DPYS: variants seen among roughly 807,000 people sequenced by gnomAD.
The protein encoded by DPYS is dihydropyrimidine amidohydrolase.
A neutral mutation model predicts 50.3 loss-of-function variants in DPYS; 39 were observed. That is an observed-to-expected ratio of 0.78 (90% CI 0.60 to 1.01). The LOEUF (loss-of-function observed/expected upper bound fraction) is 1.01, where lower values mean the gene tolerates loss of function less well. DPYS is among the 50% of genes least tolerant of loss of function. The pLI is 0.00. For synonymous variants in DPYS, 245 were observed against 250.7 expected (o/e 0.98, Z 0.22); for missense variants, 659 against 680.9 (o/e 0.97, Z 0.36).
intron 7 of DPYS, among the ~76,000 whole-genome samples, chr8:104,422,315 G>A (rs2140613410): frequency 6.6e-6 from 1 of 152,194 alleles, no homozygotes; most frequent in East Asian, 1.9e-4. Flanking sequence ...TTAGTTATTG[G>A]CCCACCTGAT....
chr8:104,432,503 A>C (rs1030020567), intron 4 of DPYS, among the ~76,000 whole-genome samples: 3 of 152,232 alleles, frequency 2.0e-5, no homozygotes, highest in Admixed American at 2.0e-4. Flanking sequence ...CTGGCCACTA[A>C]ATAGGAGGCC....
At chr8:104,424,102 T>C (rs1270467949) in intron 7 of DPYS, 145 bp downstream of exon 7, 1 of 1,545,214 alleles carries the variant, frequency 6.5e-7, no homozygotes. Context: ...AAAACCTTTA[T>C]CTTGTGTACA....
chr8:104,466,972 GTT>G lies in DPYS; in HGVS notation c.-54_-53del. ...GGCCCGGGCTGCGCGCAGGGGCTGG[GTT>G]GGGCGGGCCGGGCGGGCTTGGGGTG... On this transcript the variant is annotated 5_prime_UTR_variant, in exon 1 of 10. Coordinates refer to ENST00000351513, the MANE Select transcript of DPYS (RefSeq NM_001385.3). 2.6e-6 allele frequency: 3 copies of G among 1,136,450 alleles called. No homozygotes were observed. Among genetic ancestry groups the G allele is most frequent in the African/African-American group, 1.7e-5 (1 of 60,524 alleles). The allele number at this position is 1,136,450 out of a possible 1,614,324, so 70.4% of individuals were successfully genotyped here. A position where few individuals can be genotyped will look rare whatever the true frequency, so the allele number is the denominator to read the frequency against.
At chr8:104,451,847 G>A (rs929567997) in intron 1 of DPYS, among the ~76,000 whole-genome samples, 2 of 152,080 alleles carry the variant, frequency 1.3e-5, no homozygotes, top group Non-Finnish European at 2.9e-5. Flanking sequence ...ACATGGTTCC[G>A]GTCTTGCCTC....
chr8:104,444,327 G>A lies in DPYS; in HGVS notation c.714C>T (p.Ser238=), dbSNP rs901982202. The change falls in exon 4 of 10, where the codon AGC becomes AGT. Residue 238 remains serine (S), a synonymous_variant. Transcript: ENST00000351513. ...EATLRAITIA[S]AVNCPLYIVH... ...CAATGTAGAGAGGACAGTTCACAGC[G>A]CTGGCTATGGTGATGGCTCTCAGCG... 3.1e-6 allele frequency: 5 copies of A among 1,614,084 alleles called. No individual in the cohort carries two copies. Among genetic ancestry groups the A allele is most frequent in the African/African-American group, 1.3e-5 (1 of 74,934 alleles).
chr8:104,399,302 A>AC (rs1457118997), intron 7 of DPYS, among the ~76,000 whole-genome samples: 765 of 39,900 alleles, frequency 0.019, 24 homozygotes, highest in African/African-American at 0.042. Flanking sequence ...AAAAAAAAAA[A>AC]AAAAAAAACA....
intron 4 of DPYS, among the ~76,000 whole-genome samples, chr8:104,438,250 ATC>A (rs1373392678): frequency 6.6e-6 from 1 of 152,192 alleles, no homozygotes; most frequent in Non-Finnish European, 1.5e-5. Context: ...CCCACAAAGA[ATC>A]TCTGCAAGTA....
At chr8:104,381,513 A>G (rs1022790957) in intron 8 of DPYS, 199 bp from the exon 9 acceptor site, 1 of 556,056 alleles carries the variant, frequency 1.8e-6, no homozygotes, top group African/African-American at 1.9e-5. Flanking sequence ...GTGGGTATTA[A>G]TCTGCCTCAG....
At chr8:104,426,494 A>G (rs1812725929) in intron 6 of DPYS, among the ~76,000 whole-genome samples, 1 of 152,246 alleles carries the variant, frequency 6.6e-6, no homozygotes, top group African/African-American at 2.4e-5. Context: ...GGTAGCAACG[A>G]AGAAAGAAAT....
chr8:104,450,877 A>C (rs564866702), intron 2 of DPYS, among the ~76,000 whole-genome samples: 15 of 152,290 alleles, frequency 9.8e-5, no homozygotes, highest in Admixed American at 9.8e-4. Context: ...TGAAGTTCTA[A>C]CCTGTGGGAA....
intron 5 of DPYS, among the ~76,000 whole-genome samples, chr8:104,428,799 G>A (rs946527291): frequency 2.0e-5 from 3 of 151,694 alleles, no homozygotes; most frequent in East Asian, 3.9e-4. Context: ...GGGGAGTGTC[G>A]GGATGTCCAT....
intron 4 of DPYS, among the ~76,000 whole-genome samples, chr8:104,441,461 C>T (rs1245381436): frequency 6.6e-6 from 1 of 152,094 alleles, no homozygotes; most frequent in African/African-American, 2.4e-5. Context: ...AATTAAGGCC[C>T]TTGAAATGGG....
At chr8:104,466,540 C>T (rs1046755422) in intron 1 of DPYS, 117 bp downstream of exon 1, 3 of 1,218,214 alleles carry the variant, frequency 2.5e-6, no homozygotes, top group South Asian at 1.8e-5. Flanking sequence ...TTCCCGCCCA[C>T]CCAGCTCCTC....
chr8:104,448,156 C>CT (rs35179334), intron 2 of DPYS, among the ~76,000 whole-genome samples: 27,350 of 137,954 alleles, frequency 0.2, 2,964 homozygotes, highest in South Asian at 0.3. Context: ...AACAATTGCT[C>CT]TTTTTTTTTT....
At chr8:104,465,265 GA>G (rs1814321303) in intron 1 of DPYS, among the ~76,000 whole-genome samples, 1 of 151,010 alleles carries the variant, frequency 6.6e-6, no homozygotes, top group South Asian at 2.1e-4. Context: ...TAGAAAGAAA[GA>G]GAGGGGTGGA....
Position 104,388,878 on chromosome 8 carries a change from T to A in DPYS, c.1443+3906A>T, listed in dbSNP as rs560628596. Among the ~76,000 whole-genome samples the A allele has an allele frequency of 9.8e-5, 15 of 152,314 alleles. No homozygotes were observed. In the Middle Eastern group the frequency reaches 0.017, roughly 173 times the overall value. On this transcript the variant is annotated intron_variant, in intron 8 of 9. Transcript: ENST00000351513. ...ATTTTATTATTATGCAATAAAATCA[T>A]AGATAAAAATCAAGCTCTCACAAGA...
intron 7 of DPYS, among the ~76,000 whole-genome samples, chr8:104,394,993 A>AT (rs1379958491): frequency 1.3e-5 from 2 of 151,522 alleles, no homozygotes; most frequent in Non-Finnish European, 2.9e-5. Flanking sequence ...ATTTTTTTTA[A>AT]TTTTAATTTT....
intron 7 of DPYS, among the ~76,000 whole-genome samples, chr8:104,396,231 A>G (rs1336366429): frequency 6.6e-6 from 1 of 152,024 alleles, no homozygotes; most frequent in African/African-American, 2.4e-5. Flanking sequence ...GATGGGAGGG[A>G]CTCTTGGGAT....
In DPYS at chr8:104,434,738, C is replaced by T. The variant is rs150413626; in HGVS notation, c.794-5037G>A. Among the ~76,000 whole-genome samples the T allele has an allele frequency of 2.9e-3, 434 of 152,234 alleles. 3 individuals are homozygous for T. Among genetic ancestry groups the T allele is most frequent in the African/African-American group, 0.01 (419 of 41,524 alleles). ...CAAATCTAATGCCTAGAGCACAGTA[C>T]CTAGCATGCGCTTGGCATCCAAGAA... On this transcript the variant is annotated intron_variant, in intron 4 of 9. Coordinates refer to ENST00000351513, the MANE Select transcript of DPYS (RefSeq NM_001385.3).
Sources: allele counts gnomAD v4.1 joint callset (sites outside exome capture counted in the v4.1 genomes callset), GRCh38; gene constraint gnomAD v4.1.1; transcripts MANE v1.5; gene names NCBI Gene and HGNC (gene_info 2026-07-23, HGNC 2026-07-21).